Variants in LRMDA observed in about 807,000 individuals in gnomAD.
The protein encoded by LRMDA is leucine-rich melanocyte differentiation-associated protein.
LRMDA carries 18 observed loss-of-function variants against 29.8 expected under a neutral mutation model. That is an observed-to-expected ratio of 0.60 (90% CI 0.42 to 0.90). The LOEUF is 0.90. Among genes scored for constraint, LRMDA ranks in the 40% least tolerant of loss-of-function variants. The probability of loss-of-function intolerance (pLI) is 0.00; values close to 1 mark genes in which losing one functional copy is unlikely to be tolerated. For missense variants in LRMDA, 273 were observed against 273.9 expected (o/e 1.00, Z 0.02); for synonymous variants, 125 against 109.4 (o/e 1.14, Z -0.89).
At chr10:76,203,435 C>A (rs1851469257) in intron 5 of LRMDA, among the ~76,000 whole-genome samples, 1 of 152,174 alleles carries the variant, frequency 6.6e-6, no homozygotes, top group South Asian at 2.1e-4. Context: ...AGCCACTGTC[C>A]CTGGCCCAAA....
intron 6 of LRMDA, among the ~76,000 whole-genome samples, chr10:76,554,527 G>A (rs1843530980): frequency 6.6e-6 from 1 of 152,168 alleles, no homozygotes; most frequent in African/African-American, 2.4e-5. Context: ...CATTTTCCAA[G>A]TGCTGACACC....
At chr10:76,001,183 G>A (rs1417340775) in intron 2 of LRMDA, among the ~76,000 whole-genome samples, 1 of 152,088 alleles carries the variant, frequency 6.6e-6, no homozygotes, top group Non-Finnish European at 1.5e-5. Flanking sequence ...ATGGCTTCCG[G>A]TTCCCCTGTC....
chr10:76,011,963 A>G (rs1012116330), intron 2 of LRMDA, among the ~76,000 whole-genome samples: 1 of 152,158 alleles, frequency 6.6e-6, no homozygotes, highest in African/African-American at 2.4e-5. Context: ...CCCAAAGTCC[A>G]GGATAGGAGG....
At position 75,632,782 on chromosome 10, in the gene LRMDA, G is replaced by GTTTTTTTT. The variant is rs386371855; in HGVS notation, c.131+194308_131+194315dup. Among the ~76,000 whole-genome samples, 74 of 43,246 alleles carry GTTTTTTTT rather than the reference G, an allele frequency of 1.7e-3. 7 individuals are homozygous for GTTTTTTTT. Among genetic ancestry groups the GTTTTTTTT allele is most frequent in the Non-Finnish European group, 2.1e-3 (46 of 21,682 alleles). The allele number at this position is 43,246 out of a possible 152,430, so 28.4% of individuals were successfully genotyped here. Reference sequence around the variant, plus strand: ...TAGTTTTTTTGTTTAGTTTAGTTTAGTTTTTTTTTTTTTTTTTTTTTTTTT... The same window carrying GTTTTTTTT: ...TAGTTTTTTTGTTTAGTTTAGTTTAGTTTTTTTTTTTTTTTTTTTTTTTTTTTTTTTTT... On this transcript the variant is annotated intron_variant, in intron 2 of 6. Transcript: ENST00000611255.
intron 6 of LRMDA, among the ~76,000 whole-genome samples, chr10:76,329,773 T>C (rs2132405174): frequency 6.6e-6 from 1 of 152,322 alleles, no homozygotes. Flanking sequence ...TTGATTTTTC[T>C]GTATATCTCC....
intron 5 of LRMDA, among the ~76,000 whole-genome samples, chr10:76,067,896 A>C (rs1337976487): frequency 1.3e-5 from 2 of 152,222 alleles, no homozygotes; most frequent in African/African-American, 4.8e-5. Flanking sequence ...CTTCCTCAGA[A>C]AGACCCTTCT....
intron 3 of LRMDA, among the ~76,000 whole-genome samples, chr10:76,046,723 A>T (rs1248914306): frequency 1.3e-5 from 2 of 152,198 alleles, no homozygotes; most frequent in Non-Finnish European, 2.9e-5. Context: ...ACCTCAAATG[A>T]TCTGCCTACC....
rs558109427 is a variant in LRMDA at position 76,396,917 on chromosome 10, G to A, written c.601+72432G>A. On this transcript the variant is annotated intron_variant, in intron 6 of 6. Transcript: ENST00000611255. ...AGGAATCACATTCTCATTGCTGCAGGCCCCCAGAAGTTTTGAAACAGCCTC... is the reference window on the plus strand; with the variant it reads ...AGGAATCACATTCTCATTGCTGCAGACCCCCAGAAGTTTTGAAACAGCCTC... 6.6e-5 allele frequency among the ~76,000 whole-genome samples: 10 copies of A among 152,088 alleles called. No homozygotes were observed. In the South Asian group the frequency reaches 1.9e-3, roughly 28 times the overall value.
chr10:75,606,002 T>G (rs2132094840), intron 2 of LRMDA, among the ~76,000 whole-genome samples: 2 of 152,238 alleles, frequency 1.3e-5, no homozygotes, highest in African/African-American at 4.8e-5. Context: ...TAACTACAGG[T>G]GTGCACCACC....
At chr10:75,988,534 T>G (rs1418811848) in intron 2 of LRMDA, among the ~76,000 whole-genome samples, 1 of 148,946 alleles carries the variant, frequency 6.7e-6, no homozygotes, top group East Asian at 2.0e-4. Flanking sequence ...CCCCCAGCTC[T>G]CTTTTCATTT....
At chr10:76,359,187 TA>T (rs1841279234) in intron 6 of LRMDA, among the ~76,000 whole-genome samples, 1 of 152,188 alleles carries the variant, frequency 6.6e-6, no homozygotes, top group Non-Finnish European at 1.5e-5. Context: ...GAGCCTCAGC[TA>T]ACAGACCAGA....
chr10:75,748,435 T>C (rs1462173160), intron 2 of LRMDA, among the ~76,000 whole-genome samples: 2 of 152,212 alleles, frequency 1.3e-5, no homozygotes, highest in African/African-American at 4.8e-5. Context: ...TCTATCAAAC[T>C]CTTTTTTCCT....
At chr10:75,675,779 G>A (rs970797418) in intron 2 of LRMDA, among the ~76,000 whole-genome samples, 2 of 151,890 alleles carry the variant, frequency 1.3e-5, no homozygotes, top group Admixed American at 6.6e-5. Context: ...TTCTAGATCT[G>A]TTTCTCTTTG....
At chr10:76,357,443 AC>A (rs1841255794) in intron 6 of LRMDA, among the ~76,000 whole-genome samples, 1 of 151,868 alleles carries the variant, frequency 6.6e-6, no homozygotes, top group African/African-American at 2.4e-5. Context: ...TCAGAGGGGT[AC>A]CTTTTTCATA....
chr10:76,448,631 C>A (rs759288480), intron 6 of LRMDA, among the ~76,000 whole-genome samples: 40 of 152,048 alleles, frequency 2.6e-4, no homozygotes, highest in Non-Finnish European at 5.2e-4. Context: ...AATTCTAATT[C>A]TTTAGCTGTA....
intron 2 of LRMDA, among the ~76,000 whole-genome samples, chr10:75,617,924 G>T (rs7342058): frequency 6.6e-6 from 1 of 152,178 alleles, no homozygotes; most frequent in East Asian, 1.9e-4. Flanking sequence ...AATCAACCTC[G>T]CTAGGCCTTT....
intron 5 of LRMDA, among the ~76,000 whole-genome samples, chr10:76,174,842 G>A (rs972042906): frequency 1.1e-4 from 17 of 152,126 alleles, no homozygotes; most frequent in Admixed American, 8.5e-4. Flanking sequence ...GATTAAGGCC[G>A]GGTGCGGTGG....
intron 5 of LRMDA, among the ~76,000 whole-genome samples, chr10:76,073,140 T>C (rs1041035252): frequency 3.0e-4 from 45 of 152,244 alleles, no homozygotes; most frequent in African/African-American, 1.1e-3. Flanking sequence ...TGTGTGGTTA[T>C]CAAAGATGAA....
At chr10:75,762,708 G>A (rs887467375) in intron 2 of LRMDA, among the ~76,000 whole-genome samples, 2 of 152,196 alleles carry the variant, frequency 1.3e-5, no homozygotes, top group Non-Finnish European at 1.5e-5. Context: ...GATTGTTGGG[G>A]ACATTAAGTG....
Sources: gnomAD v4.1 joint callset for allele counts (sites outside exome capture counted in the v4.1 genomes callset) on GRCh38, gnomAD v4.1.1 for gene constraint, MANE v1.5 for transcripts, NCBI Gene and HGNC (gene_info 2026-07-23, HGNC 2026-07-21) for gene names.